Variants in SERPINE2 observed in about 807,000 individuals in gnomAD.
SERPINE2 encodes serpin family E member 2.
SERPINE2 carries 14 observed loss-of-function variants against 36.3 expected under a neutral mutation model. The ratio of observed to expected loss-of-function variants is 0.39; its 90% CI spans 0.25 to 0.60. SERPINE2 has a LOEUF of 0.60. Ranked by LOEUF, SERPINE2 falls within the 20% of genes least tolerant of loss-of-function variation. The pLI is 0.57. For synonymous variants in SERPINE2, 192 were observed against 191.8 expected (o/e 1.00, Z -0.01); for missense variants, 418 against 499.6 (o/e 0.84, Z 1.56).
At chr2:224,031,325 G>C in intron 1 of SERPINE2, 1 of 985,362 alleles carries the variant, frequency 1.0e-6, no homozygotes, top group Non-Finnish European at 1.2e-6. Context: ...CCAACTACAT[G>C]AGTGGGAATG....
At chr2:224,023,218 A>G (rs745690796) in intron 1 of SERPINE2, among the ~76,000 whole-genome samples, 45 of 152,288 alleles carry the variant, frequency 3.0e-4, no homozygotes, top group East Asian at 1.3e-3. Context: ...CTTGTTATTT[A>G]TCCGTCTCTT....
chr2:224,034,649 G>A (rs185229194), intron 1 of SERPINE2, among the ~76,000 whole-genome samples: 1 of 152,262 alleles, frequency 6.6e-6, no homozygotes, highest in East Asian at 1.9e-4. Flanking sequence ...GGAACACACT[G>A]TATGACTCTG....
intron 1 of SERPINE2, among the ~76,000 whole-genome samples, chr2:224,037,097 C>A (rs1178919466): frequency 6.6e-6 from 1 of 152,196 alleles, no homozygotes; most frequent in Non-Finnish European, 1.5e-5. Flanking sequence ...ACAAGAATGA[C>A]AGTTTCAAGC....
chr2:224,023,160 T>A (rs1559218732), intron 1 of SERPINE2, among the ~76,000 whole-genome samples: 1 of 152,206 alleles, frequency 6.6e-6, no homozygotes, highest in African/African-American at 2.4e-5. Flanking sequence ...GGGCTTCCCA[T>A]GAAGATTTTG....
At chr2:223,982,437 C>T (rs1690257077) in intron 6 of SERPINE2, 2 of 370,372 alleles carry the variant, frequency 5.4e-6, no homozygotes, top group African/African-American at 4.2e-5. Context: ...TAAACTGATC[C>T]ATGTAACCAA....
intron 1 of SERPINE2, among the ~76,000 whole-genome samples, chr2:224,037,335 T>C (rs1293837743): frequency 1.3e-5 from 2 of 152,126 alleles, no homozygotes; most frequent in East Asian, 1.9e-4. Flanking sequence ...ATCGCTTGCA[T>C]TGAAGATTAC....
intron 3 of SERPINE2, among the ~76,000 whole-genome samples, chr2:223,995,619 T>G (rs529112470): frequency 6.2e-4 from 94 of 152,322 alleles, no homozygotes; most frequent in African/African-American, 2.1e-3. Context: ...TTTTTGTTTT[T>G]GTTTTTGTTT....
intron 1 of SERPINE2, among the ~76,000 whole-genome samples, chr2:224,034,042 G>A (rs1216331435): frequency 6.6e-6 from 1 of 152,222 alleles, no homozygotes; most frequent in East Asian, 1.9e-4. Context: ...CATAAAGCAT[G>A]CAGTAAACTT....
intron 1 of SERPINE2, among the ~76,000 whole-genome samples, chr2:224,017,717 T>C (rs1691846911): frequency 6.6e-6 from 1 of 152,170 alleles, no homozygotes; most frequent in African/African-American, 2.4e-5. Context: ...TAGTAGTTCT[T>C]ACTTTAAGAG....
At chr2:223,992,052 G>A (rs751364373) in intron 3 of SERPINE2, 52 bp from the exon 4 acceptor site, 16 of 1,505,104 alleles carry the variant, frequency 1.1e-5, no homozygotes, top group African/African-American at 4.1e-5. Flanking sequence ...ACTGGTGGCC[G>A]GCTTGAGGGC....
At position 224,019,372 on chromosome 2, in the gene SERPINE2, A is replaced by T. The variant is rs117971786; in HGVS notation, c.-22-17450T>A. Among the ~76,000 whole-genome samples the T allele has an allele frequency of 1.2e-3, 188 of 152,344 alleles. 1 individual carries two copies. In the East Asian group the frequency reaches 0.03, roughly 24 times the overall value. ...CTGCATGTACCAATTTTCAGACTGC[A>T]GGTAACTTAGGCCACCAATAAGGTG... is the stretch of plus-strand genomic sequence containing the variant. On this transcript the variant is annotated intron_variant, in intron 1 of 8. Coordinates refer to ENST00000409304, the MANE Select transcript of SERPINE2 (RefSeq NM_001136528.2).
At chr2:224,014,526 GAT>G (rs1475380250) in intron 1 of SERPINE2, among the ~76,000 whole-genome samples, 1 of 152,222 alleles carries the variant, frequency 6.6e-6, no homozygotes, top group Non-Finnish European at 1.5e-5. Context: ...AAGTCAGAGG[GAT>G]CATTGTGTGG....
chr2:224,008,869 T>C (rs1418646697), intron 1 of SERPINE2, among the ~76,000 whole-genome samples: 1 of 152,260 alleles, frequency 6.6e-6, no homozygotes, highest in Non-Finnish European at 1.5e-5. Context: ...AGAGCCAGAC[T>C]GGTGACTGTT....
intron 7 of SERPINE2, chr2:223,979,489 C>G (rs1690141485): frequency 6.6e-6 from 1 of 152,156 alleles, no homozygotes; most frequent in Non-Finnish European, 1.5e-5. Context: ...TTTCAATGAC[C>G]AGAGATATTT....
chr2:224,033,595 A>G (rs552961665), intron 1 of SERPINE2, among the ~76,000 whole-genome samples: 1 of 151,762 alleles, frequency 6.6e-6, no homozygotes, highest in Non-Finnish European at 1.5e-5. Flanking sequence ...GGTGCAGCCC[A>G]TACCCTCTCC....
chr2:224,018,427 G>GA, intron 1 of SERPINE2, among the ~76,000 whole-genome samples: 1 of 152,188 alleles, frequency 6.6e-6, no homozygotes, highest in East Asian at 1.9e-4. Context: ...TTAGATGGAT[G>GA]AAATACCTCA....
chr2:223,980,141 G>A (rs1238404663), intron 7 of SERPINE2, 170 bp downstream of exon 7: 3 of 556,962 alleles, frequency 5.4e-6, no homozygotes, highest in Non-Finnish European at 9.7e-6. Flanking sequence ...TGAGCTTTGT[G>A]GTTACAGGTC....
At chr2:224,029,946 C>T (rs780796753) in intron 1 of SERPINE2, 7 of 594,714 alleles carry the variant, frequency 1.2e-5, no homozygotes, top group Non-Finnish European at 1.5e-5. Flanking sequence ...ATCTGCCCAC[C>T]TCAGCCTCCC....
At chr2:224,006,038 C>T (rs1023435492) in intron 1 of SERPINE2, among the ~76,000 whole-genome samples, 4 of 152,094 alleles carry the variant, frequency 2.6e-5, no homozygotes, top group Non-Finnish European at 5.9e-5. Flanking sequence ...CATGATTTAA[C>T]GTAGTAAATA....
Sources: gnomAD v4.1 joint callset for allele counts (sites outside exome capture counted in the v4.1 genomes callset) on GRCh38, gnomAD v4.1.1 for gene constraint, MANE v1.5 for transcripts, NCBI Gene and HGNC (gene_info 2026-07-23, HGNC 2026-07-21) for gene names.